Variants in MAP4K2 observed in about 807,000 individuals in gnomAD.
MAP4K2 encodes the protein B lymphocyte serine/threonine protein kinase.
MAP4K2 carries 85 observed loss-of-function variants against 125.3 expected under a neutral mutation model. The observed-to-expected ratio is 0.68, with a 90% confidence interval of 0.57 to 0.81. MAP4K2 has a LOEUF of 0.81. Among genes scored for constraint, MAP4K2 ranks in the 40% least tolerant of loss-of-function variants. The pLI, the probability that MAP4K2 is intolerant of heterozygous loss-of-function variation, is 0.00. For missense variants in MAP4K2, 923 were observed against 1,056.4 expected (o/e 0.87, Z 1.75); for synonymous variants, 479 against 445.1 (o/e 1.08, Z -0.96).
At chr11:64,801,880 G>A in intron 5 of MAP4K2, 123 bp from the exon 6 acceptor site, 1 of 1,200,680 alleles carries the variant, frequency 8.3e-7, no homozygotes, top group Non-Finnish European at 1.2e-6. Context: ...CAAACAGGAA[G>A]TGACTGAGCC....
Position 64,797,042 on chromosome 11 carries a change from G to A in MAP4K2, c.1366-19C>T, listed in dbSNP as rs750530152. The A allele has an allele frequency of 1.2e-6, 2 of 1,614,110 alleles. No individual in the cohort carries two copies. Among genetic ancestry groups the A allele is most frequent in the South Asian group, 1.1e-5 (1 of 91,088 alleles). On this transcript the variant is annotated intron_variant, in intron 19 of 31. Transcript: ENST00000294066. Reference sequence around the variant, plus strand: ...ATGACCTCTGGGAGGGAGGAAAGGAGTCAGGGCTGATATGACAGCTGTAGC... The same window carrying A: ...ATGACCTCTGGGAGGGAGGAAAGGAATCAGGGCTGATATGACAGCTGTAGC...
chr11:64,798,412 C>T (rs1405126029), intron 15 of MAP4K2, among the ~76,000 whole-genome samples: 1 of 152,198 alleles, frequency 6.6e-6, no homozygotes, highest in Non-Finnish European at 1.5e-5. Flanking sequence ...GATCCGCCCA[C>T]CTCGGCCTCC....
intron 14 of MAP4K2, among the ~76,000 whole-genome samples, 161 bp from the exon 15 acceptor site, chr11:64,798,998 G>A (rs1021804245): frequency 6.6e-6 from 1 of 152,222 alleles, no homozygotes; most frequent in Non-Finnish European, 1.5e-5. Context: ...GGGAGGCAGA[G>A]CTGAAGACTG....
chr11:64,802,445 C>A lies in MAP4K2; in HGVS notation c.284G>T (p.Gly95Val). The change falls in exon 4 of 32, where the codon GGG (glycine) becomes GTG (valine). Residue 95 changes from glycine to valine, a missense_variant. This residue lies in a region of MAP4K2 where 833 missense variants were observed against 911.4 expected (regional missense o/e 0.91). Coordinates refer to ENST00000294066, the MANE Select transcript of MAP4K2 (RefSeq NM_004579.5). ...RLWICMEFCG[G>V]GSLQEIYHAT... The stretch of plus-strand genomic sequence containing the variant: ...ATGGTAAATCTCCTGCAGGGAGCCC[C>A]CTCCGCAGAACTCCATGCAGATCCA... The A allele has an allele frequency of 6.6e-7, 1 of 1,503,784 alleles. No homozygotes were observed. The highest frequency in any genetic ancestry group is 8.9e-7 in the Non-Finnish European group (1 of 1,126,188). 93.2% of individuals were successfully genotyped at this position (1,503,784 alleles called of 1,614,324 possible). A position where few individuals can be genotyped will look rare whatever the true frequency, so the allele number is the denominator to read the frequency against.
Position 64,803,160 on chromosome 11 carries a change from C to G in MAP4K2, c.-11G>C. On this transcript the variant is annotated 5_prime_UTR_variant, in exon 1 of 32. Coordinates refer to ENST00000294066, the MANE Select transcript of MAP4K2 (RefSeq NM_004579.5). Reference sequence around the variant, plus strand: ...CCGCAGCAGCGCCATGGCCCGGCGCCGGGCGGGCCGGCAGGCGGGCGGGCG... The same window carrying G: ...CCGCAGCAGCGCCATGGCCCGGCGCGGGGCGGGCCGGCAGGCGGGCGGGCG... 1 of 1,246,208 alleles carries G rather than the reference C, an allele frequency of 8.0e-7. No individual in the cohort carries two copies. Among genetic ancestry groups the G allele is most frequent in the South Asian group, 2.4e-5 (1 of 41,540 alleles). 77.2% of individuals were successfully genotyped at this position (1,246,208 alleles called of 1,614,324 possible).
chr11:64,790,005 C>T, intron 29 of MAP4K2, 46 bp from the exon 30 acceptor site: 1 of 1,604,282 alleles, frequency 6.2e-7, no homozygotes, highest in Non-Finnish European at 8.5e-7. Flanking sequence ...TCTTGGCACC[C>T]CCTCAGCCAC....
Position 64,797,677 on chromosome 11 carries a change from GA to G in MAP4K2, c.1098-14del. 2 of 1,510,744 alleles carry G rather than the reference GA, an allele frequency of 1.3e-6. No individual in the cohort carries two copies. Among genetic ancestry groups the G allele is most frequent in the Non-Finnish European group, 1.8e-6 (2 of 1,125,790 alleles). The allele number at this position is 1,510,744 out of a possible 1,614,324, so 93.6% of individuals were successfully genotyped here. On this transcript the variant is annotated splice_polypyrimidine_tract_variant and intron_variant, in intron 15 of 31. Coordinates refer to ENST00000294066, the MANE Select transcript of MAP4K2 (RefSeq NM_004579.5). The stretch of plus-strand genomic sequence containing the variant: ...CTGCAGCAGGCTCCTGGGCAGTGGG[GA>G]AAAGGGGTCAGAGGTCAACCTTTCC...
chr11:64,799,677 C>T lies in MAP4K2; in HGVS notation c.922G>A (p.Asp308Asn), dbSNP rs144619505. The T allele has an allele frequency of 3.1e-6, 5 of 1,613,560 alleles. No individual in the cohort carries two copies. The African/African-American group carries it at 5.3e-5, about 17-fold the overall frequency. The change falls in exon 13 of 32, where the codon GAC (aspartate) becomes AAC (asparagine). Residue 308 changes from aspartate (D) to asparagine (N), a missense_variant. Around this residue, in one of 2 missense-constraint regions of MAP4K2, gnomAD observed 833 missense variants for 911.4 expected, o/e 0.91. Transcript: ENST00000294066. Reference protein sequence around the residue: ...SPEDCELETYDMFPDTIHSRG... With the variant: ...SPEDCELETYNMFPDTIHSRG... ...GAGTGAATGGTGTCTGGAAACATGT[C>T]ATAGGTCTAAGGAAAAACAGAAACA...
intron 5 of MAP4K2, 108 bp downstream of exon 5, chr11:64,801,958 G>C (rs1025436153): frequency 4.7e-6 from 6 of 1,266,624 alleles, no homozygotes; most frequent in East Asian, 2.5e-5. Flanking sequence ...ACAGCCCCTC[G>C]GGCCAGCCCC....
chr11:64,799,628 T>A lies in MAP4K2; in HGVS notation c.971A>T (p.Glu324Val), dbSNP rs746623104. The change falls in exon 13 of 32, where the codon GAG (glutamate) becomes GTG (valine). Residue 324 changes from glutamate to valine, a missense_variant. Glu to Val is a moderately radical substitution (Grantham distance 121, BLOSUM62 -2). Coordinates refer to ENST00000294066, the MANE Select transcript of MAP4K2 (RefSeq NM_004579.5). ...IHSRGQHGPA[E>V]RTPSEIQFHQ... ...ACACTGGATCTCCGAGGGGGTCCTCTCGGCTGGGCCGTGCTGCCCCCGGGA... is the reference window on the plus strand; with the variant it reads ...ACACTGGATCTCCGAGGGGGTCCTCACGGCTGGGCCGTGCTGCCCCCGGGA... 2 of 1,613,976 alleles carry A rather than the reference T, an allele frequency of 1.2e-6. No individual in the cohort carries two copies. Among genetic ancestry groups the A allele is most frequent in the Admixed American group, 3.3e-5 (2 of 60,018 alleles).
In MAP4K2 at chr11:64,788,821, T is replaced by A. The variant is rs1940311796; in HGVS notation, c.*716A>T. The A allele has an allele frequency of 6.6e-6, 1 of 152,318 alleles. No individual in the cohort carries two copies. Among genetic ancestry groups the A allele is most frequent in the Middle Eastern group, 3.1e-3 (1 of 318 alleles). The allele number at this position is 152,318 out of a possible 1,614,324, so 9.4% of individuals were successfully genotyped here. A position where few individuals can be genotyped will look rare whatever the true frequency, so the allele number is the denominator to read the frequency against. On this transcript the variant is annotated 3_prime_UTR_variant, in exon 32 of 32. Transcript: ENST00000294066. ...CCCTTCCAGGGGTCACCCAGTGAGA[T>A]CCTACGTGGGGCAAGGGTGCCCTGG...
chr11:64,791,523 C>A (rs925933615), intron 27 of MAP4K2, among the ~76,000 whole-genome samples: 3 of 152,220 alleles, frequency 2.0e-5, no homozygotes, highest in African/African-American at 7.2e-5. Context: ...GGACTACACA[C>A]GTGCATCAAC....
chr11:64,798,672 T>C (rs1207346760), intron 15 of MAP4K2, 122 bp downstream of exon 15: 22 of 990,800 alleles, frequency 2.2e-5, no homozygotes, highest in Non-Finnish European at 3.1e-5. Context: ...TGACCTCAGG[T>C]GATCCACCCA....
At chr11:64,802,202 G>A (rs767401527) in intron 4 of MAP4K2, 81 bp from the exon 5 acceptor site, 88 of 1,361,360 alleles carry the variant, frequency 6.5e-5, no homozygotes, top group Non-Finnish European at 8.8e-5. Flanking sequence ...GGGAAAAGCA[G>A]CAGGCACTGT....
chr11:64,801,628 G>T lies in MAP4K2; in HGVS notation c.415-7C>A. The T allele has an allele frequency of 6.2e-7, 1 of 1,614,004 alleles. No individual in the cohort carries two copies. Among genetic ancestry groups the T allele is most frequent in the Non-Finnish European group, 8.5e-7 (1 of 1,179,950 alleles). On this transcript the variant is annotated splice_polypyrimidine_tract_variant and splice_region_variant and intron_variant, in intron 6 of 31. Coordinates refer to ENST00000294066, the MANE Select transcript of MAP4K2 (RefSeq NM_004579.5). ...TGAGGAGAAGGTTGGCTCCCTGTGGGAATGGAGGAGAGACAATCCCATCTG... is the reference window on the plus strand; with the variant it reads ...TGAGGAGAAGGTTGGCTCCCTGTGGTAATGGAGGAGAGACAATCCCATCTG...
chr11:64,799,412 C>T lies in MAP4K2; in HGVS notation c.1053+9G>A. The stretch of plus-strand genomic sequence containing the variant: ...GGCACCACCTTCCCCTCAAGGCCTG[C>T]CCACTCACCGGCTCATTCAGTGGGT... On this transcript the variant is annotated intron_variant, in intron 14 of 31. Coordinates refer to ENST00000294066, the MANE Select transcript of MAP4K2 (RefSeq NM_004579.5). The T allele has an allele frequency of 2.5e-6, 4 of 1,612,358 alleles. No individual in the cohort carries two copies. The highest frequency in any genetic ancestry group is 3.4e-6 in the Non-Finnish European group (4 of 1,179,476).
Position 64,787,807 on chromosome 11 carries a change from C to T in MAP4K2, c.*1730G>A, listed in dbSNP as rs1490553218. 1 of 152,264 alleles carries T rather than the reference C, an allele frequency of 6.6e-6. No individual in the cohort carries two copies. The allele number at this position is 152,264 out of a possible 1,614,324, so 9.4% of individuals were successfully genotyped here. ...TGGTGAACGGAAAGCCAGTCCTCCCCAGGGCGCCTTTGGTCAGGGCCTTTG... is the reference window on the plus strand; with the variant it reads ...TGGTGAACGGAAAGCCAGTCCTCCCTAGGGCGCCTTTGGTCAGGGCCTTTG... On this transcript the variant is annotated 3_prime_UTR_variant, in exon 32 of 32. Coordinates refer to ENST00000294066, the MANE Select transcript of MAP4K2 (RefSeq NM_004579.5).
intron 24 of MAP4K2, among the ~76,000 whole-genome samples, chr11:64,794,950 G>C (rs1052373720): frequency 6.6e-6 from 1 of 151,760 alleles, no homozygotes; most frequent in Admixed American, 6.6e-5. Context: ...GCAGTGGTAC[G>C]ATCGCGATCA....
rs754073716 is a variant in MAP4K2, at chr11:64,798,797, C to T, written c.1094G>A (p.Ser365Asn). The T allele has an allele frequency of 1.2e-6, 2 of 1,611,686 alleles. No homozygotes were observed. Among genetic ancestry groups the T allele is most frequent in the South Asian group, 2.2e-5 (2 of 90,686 alleles). Reference sequence around the variant, plus strand: ...AGCTTCCCCATACCTCACTTACCCACTCAACTCTTCCTTTCCCAGTAGTGT... The same window carrying T: ...AGCTTCCCCATACCTCACTTACCCATTCAACTCTTCCTTTCCCAGTAGTGT... ...EWTLLGKEEL[S>N]GSLLQSVQEA... The change falls in exon 15 of 32, where the codon AGT becomes AAT. Residue 365 changes from serine (S) to asparagine (N), a missense_variant. Ser to Asn is a conservative substitution (Grantham distance 46). Around this residue, in one of 2 missense-constraint regions of MAP4K2, gnomAD observed 833 missense variants for 911.4 expected, o/e 0.91. Transcript: ENST00000294066.
Sources: gnomAD v4.1 joint callset for allele counts (sites outside exome capture counted in the v4.1 genomes callset) on GRCh38, gnomAD v4.1.1 for gene constraint, gnomAD v4.1.1 regional missense constraint, MANE v1.5 for transcripts, NCBI Gene and HGNC (gene_info 2026-07-23, HGNC 2026-07-21) for gene names.